The following UGGT2 variants were observed in gnomAD, a reference collection of about 807,000 sequenced individuals.
The protein encoded by UGGT2 is UDP-glucose glycoprotein glucosyltransferase 2.
In UGGT2, 180 loss-of-function variants were observed where a neutral mutation model predicts 192.1. The ratio of observed to expected loss-of-function variants is 0.94; its 90% CI spans 0.83 to 1.06. UGGT2 has a LOEUF of 1.06. Ranked by LOEUF, UGGT2 falls within the 50% of genes least tolerant of loss-of-function variation. The probability of loss-of-function intolerance (pLI) is 0.00; values close to 1 mark genes in which losing one functional copy is unlikely to be tolerated. For missense variants in UGGT2, 1,849 were observed against 1,795.7 expected (o/e 1.03, Z -0.54); for synonymous variants, 580 against 591.0 (o/e 0.98, Z 0.27).
In UGGT2 at chr13:95,877,320, C is replaced by A. The variant is rs775367431; in HGVS notation, c.3432G>T (p.Arg1144Ser). The change falls in exon 29 of 39, where the codon AGG (arginine) becomes AGT (serine). Residue 1144 changes from arginine (R) to serine (S), a missense_variant. Arg to Ser is a moderately radical substitution (Grantham distance 110). Transcript: ENST00000376747. ...LKANPGAWIL[R>S]LHQGKSEDIY... is the part of the protein sequence containing the mutation. ...TATCTTCAGATTTTCCTTGGTGTAA[C>A]CTCAGTATCCAAGCACCTGGGTTTG... The A allele has an allele frequency of 3.2e-5, 52 of 1,607,172 alleles. No homozygotes were observed. Among genetic ancestry groups the A allele is most frequent in the Non-Finnish European group, 4.1e-5 (48 of 1,177,756 alleles).
At chr13:95,828,041 C>A (rs1231535904) in intron 38 of UGGT2, among the ~76,000 whole-genome samples, 1 of 152,130 alleles carries the variant, frequency 6.6e-6, no homozygotes, top group East Asian at 1.9e-4. Flanking sequence ...TTAAAAATCA[C>A]TAGTCACAAA....
At chr13:95,808,852 G>C (rs1034165969) in intron 38 of UGGT2, among the ~76,000 whole-genome samples, 4 of 152,176 alleles carry the variant, frequency 2.6e-5, no homozygotes, top group African/African-American at 9.7e-5. Flanking sequence ...ACACAATTCA[G>C]ACAGGGAAAT....
At chr13:95,818,666 T>C (rs1462801899) in intron 38 of UGGT2, among the ~76,000 whole-genome samples, 1 of 152,108 alleles carries the variant, frequency 6.6e-6, no homozygotes, top group East Asian at 1.9e-4. Context: ...CCTGTGAGTG[T>C]GATGTAGCTT....
At chr13:95,983,520 G>A (rs1455797328) in intron 10 of UGGT2, 3 of 492,648 alleles carry the variant, frequency 6.1e-6, no homozygotes, top group East Asian at 5.4e-5. Flanking sequence ...ACAAGAAACA[G>A]AATAATTAAC....
intron 31 of UGGT2, among the ~76,000 whole-genome samples, chr13:95,861,862 C>T (rs966222447): frequency 6.7e-6 from 1 of 150,030 alleles, no homozygotes; most frequent in Non-Finnish European, 1.5e-5. Flanking sequence ...AAAGTCAAAG[C>T]ATCATAAGAC....
chr13:95,853,252 T>A (rs959041368), intron 36 of UGGT2, among the ~76,000 whole-genome samples: 1 of 152,188 alleles, frequency 6.6e-6, no homozygotes, highest in Non-Finnish European at 1.5e-5. Flanking sequence ...GTCTTGGGTA[T>A]ATCTTTATTA....
chr13:95,936,495 G>C (rs908715083), intron 17 of UGGT2, among the ~76,000 whole-genome samples: 1 of 152,208 alleles, frequency 6.6e-6, no homozygotes. Flanking sequence ...AGATGGGCAG[G>C]GCCAGGCTGA....
At chr13:95,898,511 CTTCACCT>C (rs1183525449) in intron 22 of UGGT2, among the ~76,000 whole-genome samples, 5 of 152,260 alleles carry the variant, frequency 3.3e-5, no homozygotes, top group Middle Eastern at 6.8e-3. Flanking sequence ...TGGCTTCCTC[CTTCACCT>C]TCTTTGGTTC....
At chr13:95,906,785 A>C (rs2048305276) in intron 20 of UGGT2, among the ~76,000 whole-genome samples, 1 of 152,224 alleles carries the variant, frequency 6.6e-6, no homozygotes, top group South Asian at 2.1e-4. Flanking sequence ...AAACAACAGA[A>C]GCCAGAAGGC....
intron 17 of UGGT2, among the ~76,000 whole-genome samples, chr13:95,931,431 G>A (rs2049262089): frequency 6.6e-6 from 1 of 152,136 alleles, no homozygotes; most frequent in African/African-American, 2.4e-5. Flanking sequence ...CCCGCACCTT[G>A]CACCGGCACT....
chr13:95,837,337 TAAAGCTTA>T, intron 36 of UGGT2, 135 bp from the exon 37 acceptor site: 1 of 660,110 alleles, frequency 1.5e-6, no homozygotes, highest in Non-Finnish European at 2.7e-6. Flanking sequence ...CTCTACACTT[TAAAGCTTA>T]AAATACCTAA....
At chr13:96,006,173 G>A (rs2051967510) in intron 5 of UGGT2, among the ~76,000 whole-genome samples, 1 of 152,126 alleles carries the variant, frequency 6.6e-6, no homozygotes, top group Non-Finnish European at 1.5e-5. Flanking sequence ...ATGCTCTAAT[G>A]AAAAAAGTAG....
chr13:96,035,517 C>CA (rs1269948496), intron 1 of UGGT2, among the ~76,000 whole-genome samples: 1 of 152,084 alleles, frequency 6.6e-6, no homozygotes, highest in African/African-American at 2.4e-5. Context: ...GATTTCATGA[C>CA]AAAAATGCCA....
In UGGT2 at chr13:96,023,646, T is replaced by C. The variant is rs370621107; in HGVS notation, c.355A>G (p.Ile119Val). The change falls in exon 3 of 39, where the codon ATT (isoleucine) becomes GTT (valine). Residue 119 changes from isoleucine to valine, a missense_variant. Transcript: ENST00000376747. Reference sequence around the variant, plus strand: ...TTACGCACCTGCTGAAACATCTGAATAGCTGGGGAGTATGCCCTTATAGAG... The same window carrying C: ...TTACGCACCTGCTGAAACATCTGAACAGCTGGGGAGTATGCCCTTATAGAG... ...AFSIRAYSPA[I>V]QMFQQIAADE... is the part of the protein sequence containing the mutation. 5.3e-5 allele frequency: 85 copies of C among 1,608,630 alleles called. No individual in the cohort carries two copies. In the African/African-American group the frequency reaches 9.2e-4, roughly 17 times the overall value.
chr13:95,938,641 C>T (rs1395671947), intron 16 of UGGT2, among the ~76,000 whole-genome samples: 4 of 152,132 alleles, frequency 2.6e-5, no homozygotes, highest in Non-Finnish European at 5.9e-5. Context: ...AAATGATATG[C>T]AAACTCTCTC....
At chr13:96,026,622 T>C (rs1473238152) in intron 2 of UGGT2, among the ~76,000 whole-genome samples, 1 of 151,038 alleles carries the variant, frequency 6.6e-6, no homozygotes, top group African/African-American at 2.4e-5. Flanking sequence ...CTTTAAACAG[T>C]TGACATATGA....
At chr13:96,032,988 C>G (rs942451953) in intron 1 of UGGT2, among the ~76,000 whole-genome samples, 6 of 152,176 alleles carry the variant, frequency 3.9e-5, no homozygotes, top group Admixed American at 3.9e-4. Context: ...TACTGTGCAA[C>G]CACAGGTAAA....
intron 5 of UGGT2, among the ~76,000 whole-genome samples, chr13:96,000,276 G>A (rs1213930429): frequency 6.6e-6 from 1 of 152,196 alleles, no homozygotes; most frequent in Non-Finnish European, 1.5e-5. Context: ...AACTTTAGTA[G>A]TGTGTTATTC....
At chr13:95,881,019 A>C (rs2047476910) in intron 27 of UGGT2, among the ~76,000 whole-genome samples, 1 of 152,188 alleles carries the variant, frequency 6.6e-6, no homozygotes, top group Admixed American at 6.5e-5. Context: ...CTAAAAATAC[A>C]AAGAATCAGC....
Sources: allele counts gnomAD v4.1 joint callset (sites outside exome capture counted in the v4.1 genomes callset), GRCh38; gene constraint gnomAD v4.1.1; transcripts MANE v1.5; gene names NCBI Gene and HGNC (gene_info 2026-07-23, HGNC 2026-07-21).